The following PIK3C2B variants were observed in gnomAD, a reference collection of about 807,000 sequenced individuals.
The protein encoded by PIK3C2B is phosphatidylinositol-4-phosphate 3-kinase catalytic subunit type 2 beta, also known as phosphatidylinositol 4-phosphate 3-kinase C2 domain-containing subunit beta.
Under a neutral mutation model 184.3 loss-of-function variants are expected in PIK3C2B, and 83 were observed. That is an observed-to-expected ratio of 0.45 (90% CI 0.38 to 0.54). PIK3C2B has a LOEUF of 0.54. Ranked by LOEUF, PIK3C2B falls within the 20% of genes least tolerant of loss-of-function variation. The pLI, the probability that PIK3C2B is intolerant of heterozygous loss-of-function variation, is 0.00. For missense variants in PIK3C2B, 1,736 were observed against 2,113.5 expected, an observed-to-expected ratio of 0.82 and a Z score of 3.50; for synonymous variants, 779 against 837.6, an observed-to-expected ratio of 0.93 and a Z score of 1.21.
At chr1:204,425,510 G>A in intron 32 of PIK3C2B, 103 bp downstream of exon 32, 2 of 1,286,564 alleles carry the variant, frequency 1.6e-6, no homozygotes, top group South Asian at 1.3e-5. Context: ...GTACAGCCAT[G>A]TTCTTAATAC....
chr1:204,472,740 AT>A (rs1289542625), intron 1 of PIK3C2B, among the ~76,000 whole-genome samples: 1 of 152,128 alleles, frequency 6.6e-6, no homozygotes, highest in Non-Finnish European at 1.5e-5. Flanking sequence ...AGAGTGCATC[AT>A]TTCACTCCAG....
chr1:204,477,092 A>G (rs1379070693), intron 1 of PIK3C2B, among the ~76,000 whole-genome samples: 1 of 152,236 alleles, frequency 6.6e-6, no homozygotes, highest in South Asian at 2.1e-4. Flanking sequence ...GCATTCTCCT[A>G]TGTAAAACAC....
At chr1:204,466,803 C>A in intron 2 of PIK3C2B, 1 of 527,854 alleles carries the variant, frequency 1.9e-6, no homozygotes, top group Non-Finnish European at 3.9e-6. Context: ...GGTGGCATCA[C>A]CCGATGCTGG....
intron 10 of PIK3C2B, among the ~76,000 whole-genome samples, chr1:204,456,611 T>C (rs1287808176): frequency 6.6e-6 from 1 of 152,026 alleles, no homozygotes; most frequent in Admixed American, 6.6e-5. Flanking sequence ...TAGGGAAAAT[T>C]CTTTCTCATC....
intron 1 of PIK3C2B, among the ~76,000 whole-genome samples, chr1:204,478,647 C>A (rs772452811): frequency 6.6e-6 from 1 of 152,204 alleles, no homozygotes; most frequent in Non-Finnish European, 1.5e-5. Flanking sequence ...GTTTTCTTCC[C>A]ACTTATACAT....
At chr1:204,440,740 G>A (rs1310253449) in intron 21 of PIK3C2B, among the ~76,000 whole-genome samples, 1 of 149,034 alleles carries the variant, frequency 6.7e-6, no homozygotes, top group Middle Eastern at 3.4e-3. Context: ...GGAATTACAG[G>A]TGCCTGCCAC....
rs766182916 is a variant in PIK3C2B at position 204,442,562 on chromosome 1, G to C, written c.3120C>G (p.Leu1040=). The change falls in exon 20 of 33, where the codon CTC becomes CTG. Residue 1040 remains leucine, a synonymous_variant. Transcript: ENST00000684373. ...TTCCCTTAACCAGCAGACTGGGGCT[G>C]AGTGGCAAGCGGCACGAGCCATTGA... ...FALNGSCRLP[L]SPSLLVKGIV... 1.3e-6 allele frequency: 2 copies of C among 1,555,492 alleles called. No individual in the cohort carries two copies. Among genetic ancestry groups the C allele is most frequent in the South Asian group, 2.4e-5 (2 of 84,304 alleles).
At chr1:204,476,871 T>C (rs1046518483) in intron 1 of PIK3C2B, among the ~76,000 whole-genome samples, 1 of 152,256 alleles carries the variant, frequency 6.6e-6, no homozygotes, top group Admixed American at 6.5e-5. Flanking sequence ...TCTCCTAATG[T>C]CCACCTCTTA....
chr1:204,440,293 A>T lies in PIK3C2B; in HGVS notation c.3278T>A (p.Leu1093Gln). 6.2e-7 allele frequency: 1 copy of T among 1,606,076 alleles called. No homozygotes were observed. Among genetic ancestry groups the T allele is most frequent in the Non-Finnish European group, 8.5e-7 (1 of 1,175,858 alleles). Reference sequence around the variant, plus strand: ...CATGATGCGAATCATCTGCAGCGTTAGCATGTCCTGGCGAAGGTCGTCCCC... The same window carrying T: ...CATGATGCGAATCATCTGCAGCGTTTGCATGTCCTGGCGAAGGTCGTCCCC... ...KCGDDLRQDMLTLQMIRIMSK... is the reference protein window; with the variant it reads ...KCGDDLRQDMQTLQMIRIMSK... Residue 1093 changes from leucine (L) to glutamine (Q), a missense_variant, in exon 22 of 33, where the codon CTA becomes CAA. Coordinates refer to ENST00000684373, the MANE Select transcript of PIK3C2B (RefSeq NM_001377334.1).
intron 23 of PIK3C2B, 60 bp from the exon 24 acceptor site, chr1:204,434,668 G>C (rs1675247162): frequency 1.4e-6 from 2 of 1,440,780 alleles, no homozygotes; most frequent in Non-Finnish European, 1.9e-6. Flanking sequence ...AAGGACTCCA[G>C]GGGCCACAGC....
chr1:204,448,297 T>C (rs1412989466), intron 14 of PIK3C2B, among the ~76,000 whole-genome samples: 1 of 151,500 alleles, frequency 6.6e-6, no homozygotes, highest in African/African-American at 2.4e-5. Context: ...GTATTTCTAG[T>C]AGAGACAGGG....
chr1:204,427,245 C>A (rs148747960), intron 31 of PIK3C2B, among the ~76,000 whole-genome samples: 1 of 152,194 alleles, frequency 6.6e-6, no homozygotes, highest in Non-Finnish European at 1.5e-5. Context: ...AAGGATGTCA[C>A]GTGGCTGCTC....
intron 23 of PIK3C2B, among the ~76,000 whole-genome samples, chr1:204,435,024 G>A (rs1675268017): frequency 6.6e-6 from 1 of 152,172 alleles, no homozygotes; most frequent in African/African-American, 2.4e-5. Context: ...AGCCACTGAG[G>A]AAGCCAACTT....
In PIK3C2B at chr1:204,454,307, C is replaced by T. The variant is rs1203687252; in HGVS notation, c.2066+362G>A. Reference sequence around the variant, plus strand: ...ACTATCCTAGCTAACACATGGAAACCCCATCTCTGCTAAAAATACAAAAAA... The same window carrying T: ...ACTATCCTAGCTAACACATGGAAACTCCATCTCTGCTAAAAATACAAAAAA... On this transcript the variant is annotated intron_variant, in intron 12 of 32. Coordinates refer to ENST00000684373, the MANE Select transcript of PIK3C2B (RefSeq NM_001377334.1). Among the ~76,000 whole-genome samples the T allele has an allele frequency of 2.6e-5, 4 of 151,194 alleles. No individual in the cohort carries two copies. In the East Asian group the frequency reaches 6.0e-4, roughly 23 times the overall value.
chr1:204,493,137 T>C (rs778123154), intron 1 of PIK3C2B, among the ~76,000 whole-genome samples: 6 of 152,150 alleles, frequency 3.9e-5, no homozygotes, highest in Non-Finnish European at 8.8e-5. Flanking sequence ...CTCTTCCTAA[T>C]ATCTTCCCAA....
intron 1 of PIK3C2B, among the ~76,000 whole-genome samples, chr1:204,491,871 T>C (rs946365192): frequency 6.6e-6 from 1 of 152,182 alleles, no homozygotes; most frequent in African/African-American, 2.4e-5. Flanking sequence ...TTATCCTCTC[T>C]ATAGGCAGTA....
rs768840987 is a variant in PIK3C2B at position 204,469,132 on chromosome 1, C to G, written c.671G>C (p.Gly224Ala). The G allele has an allele frequency of 1.2e-6, 2 of 1,614,036 alleles. No individual in the cohort carries two copies. Among genetic ancestry groups the G allele is most frequent in the Admixed American group, 1.7e-5 (1 of 60,004 alleles). ...LGGGGQGRLL[G>A]SVDYDGINDA... ...ATTGATACCATCATAGTCCACAGAC[C>G]CCAGTAGGCGCCCCTGACCCCCACC... is the stretch of plus-strand genomic sequence containing the variant. The change falls in exon 2 of 33, where the codon GGG becomes GCG. Residue 224 changes from glycine to alanine, a missense_variant. This residue lies in a region of PIK3C2B where 404 missense variants were observed against 418.0 expected (regional missense o/e 0.97). Coordinates refer to ENST00000684373, the MANE Select transcript of PIK3C2B (RefSeq NM_001377334.1).
chr1:204,491,031 C>T (rs983987021), intron 1 of PIK3C2B, among the ~76,000 whole-genome samples: 4 of 152,134 alleles, frequency 2.6e-5, no homozygotes, highest in Admixed American at 1.3e-4. Flanking sequence ...TTTATTATGC[C>T]TACATGCCCA....
intron 1 of PIK3C2B, among the ~76,000 whole-genome samples, chr1:204,484,144 T>C (rs1657403604): frequency 6.6e-6 from 1 of 152,176 alleles, no homozygotes; most frequent in South Asian, 2.1e-4. Flanking sequence ...GAAGACTACA[T>C]GCATATGAGC....
Sources: allele counts gnomAD v4.1 joint callset (sites outside exome capture counted in the v4.1 genomes callset), GRCh38; gene constraint gnomAD v4.1.1; regional missense constraint gnomAD v4.1.1; transcripts MANE v1.5; gene names NCBI Gene and HGNC (gene_info 2026-07-23, HGNC 2026-07-21).